Variants in NBAS observed in about 807,000 individuals in gnomAD.
NBAS encodes the protein NBAS subunit of NRZ tethering complex.
NBAS carries 219 observed loss-of-function variants against 302.5 expected under a neutral mutation model. The observed-to-expected ratio is 0.72, with a 90% CI of 0.65 to 0.81. The LOEUF is 0.81. Ranked by LOEUF, NBAS falls within the 30% of genes least tolerant of loss-of-function variation. The pLI, the probability that NBAS is intolerant of heterozygous loss-of-function variation, is 0.00. For missense variants in NBAS, 2,932 were observed against 2,841.6 expected, an observed-to-expected ratio of 1.03 and a Z score of -0.72; for synonymous variants, 1,118 against 1,021.6, an observed-to-expected ratio of 1.09 and a Z score of -1.80.
chr2:15,203,799 G>T (rs1359015946), intron 48 of NBAS, among the ~76,000 whole-genome samples: 2 of 151,548 alleles, frequency 1.3e-5, no homozygotes, highest in African/African-American at 2.4e-5. Flanking sequence ...AGAAAAAAAT[G>T]AACCTAACTA....
At chr2:14,788,407 G>A in the NBAS span, among the ~76,000 whole-genome samples, 4 of 152,134 alleles carry the variant, frequency 2.6e-5, no homozygotes, top group Admixed American at 2.6e-4. Flanking sequence ...CTGCTTTTTA[G>A]AGTTTCCAGT....
the NBAS span, among the ~76,000 whole-genome samples, chr2:14,884,409 A>T: frequency 6.6e-6 from 1 of 152,142 alleles, no homozygotes; most frequent in Non-Finnish European, 1.5e-5. Flanking sequence ...CAGCACACTC[A>T]TGAGAAAACA....
the NBAS span, among the ~76,000 whole-genome samples, chr2:14,906,697 ATG>A: frequency 9.9e-5 from 15 of 152,258 alleles, no homozygotes; most frequent in Non-Finnish European, 1.6e-4. Context: ...ACAAGACCCA[ATG>A]GCCTGGCTCT....
the NBAS span, among the ~76,000 whole-genome samples, chr2:14,832,626 G>A: frequency 6.6e-6 from 1 of 152,176 alleles, no homozygotes; most frequent in African/African-American, 2.4e-5. Flanking sequence ...AAGTGGATAG[G>A]CAGCCTCTGA....
At chr2:14,990,637 A>G in the NBAS span, among the ~76,000 whole-genome samples, 3 of 152,012 alleles carry the variant, frequency 2.0e-5, no homozygotes, top group Non-Finnish European at 4.4e-5. Context: ...ATACTTTTTA[A>G]TTTGTATTTT....
chr2:14,997,160 G>GGGAGAGGAGCA, the NBAS span, among the ~76,000 whole-genome samples: 2 of 152,152 alleles, frequency 1.3e-5, no homozygotes, highest in Non-Finnish European at 2.9e-5. Context: ...TGAGGATGGA[G>GGGAGAGGAGCA]GGAGAGGAGC....
At chr2:15,190,100 A>G (rs1458464304) in intron 49 of NBAS, among the ~76,000 whole-genome samples, 164 bp downstream of exon 49, 1 of 152,186 alleles carries the variant, frequency 6.6e-6, no homozygotes, top group East Asian at 1.9e-4. Context: ...ACGGAAAGAC[A>G]TTGCAATATT....
At position 15,440,066 on chromosome 2, in the gene NBAS, T is replaced by C. The variant is rs538335152; in HGVS notation, c.2340-12272A>G. Among the ~76,000 whole-genome samples, 11 of 152,320 alleles carry C rather than the reference T, an allele frequency of 7.2e-5. No homozygotes were observed. The South Asian group carries it at 1.7e-3, about 23-fold the overall frequency. ...GGCCTGCCTGCCTCTGTAGGCTCCA[T>C]CTCTGGGGGCAGGGCACAGACAAAC... On this transcript the variant is annotated intron_variant, in intron 21 of 51. Transcript: ENST00000281513.
intron 9 of NBAS, among the ~76,000 whole-genome samples, chr2:15,530,494 T>C (rs978683204): frequency 6.6e-6 from 1 of 152,080 alleles, no homozygotes; most frequent in Non-Finnish European, 1.5e-5. Context: ...ATCATATGTA[T>C]CAATAATTTA....
chr2:15,420,634 G>A lies in NBAS; in HGVS notation c.2578-2922C>T, dbSNP rs181789132. ...TTAGAAAGCCACGCTAAGCAGGGGG[G>A]AATGTGGAATCTAGAGCAAGGTAAG... On this transcript the variant is annotated intron_variant, in intron 23 of 51. Transcript: ENST00000281513. Among the ~76,000 whole-genome samples, 103 of 152,292 alleles carry A rather than the reference G, an allele frequency of 6.8e-4. 1 individual carries two copies. The highest frequency in any genetic ancestry group is 3.4e-3 in the Middle Eastern group (1 of 294).
chr2:14,980,286 G>A, the NBAS span, among the ~76,000 whole-genome samples: 21 of 152,200 alleles, frequency 1.4e-4, no homozygotes, highest in South Asian at 1.9e-3. Context: ...CAACTCCCAC[G>A]AGAAATCTTG....
chr2:14,979,103 G>A, the NBAS span, among the ~76,000 whole-genome samples: 1 of 152,176 alleles, frequency 6.6e-6, no homozygotes, highest in Admixed American at 6.5e-5. Context: ...CCACAGGGAT[G>A]TGAAGAAATT....
chr2:14,974,425 A>G, the NBAS span, among the ~76,000 whole-genome samples: 1 of 152,220 alleles, frequency 6.6e-6, no homozygotes, highest in Non-Finnish European at 1.5e-5. Context: ...GGTAAGAGAA[A>G]TATATAGACC....
the NBAS span, among the ~76,000 whole-genome samples, chr2:15,006,065 C>T: frequency 6.6e-6 from 1 of 152,126 alleles, no homozygotes; most frequent in Non-Finnish European, 1.5e-5. Flanking sequence ...TGGTAATGAA[C>T]TTGGTAAAAT....
At chr2:15,144,487 G>C in the NBAS span, among the ~76,000 whole-genome samples, 1 of 152,126 alleles carries the variant, frequency 6.6e-6, no homozygotes, top group African/African-American at 2.4e-5. Context: ...AATGTGTATT[G>C]AGCAACTTCT....
At chr2:14,823,159 C>T in the NBAS span, among the ~76,000 whole-genome samples, 4 of 152,152 alleles carry the variant, frequency 2.6e-5, no homozygotes, top group Non-Finnish European at 4.4e-5. Flanking sequence ...GTGTGTTTTC[C>T]AGTGTGCATT....
chr2:15,330,411 T>G (rs755534964), intron 36 of NBAS, among the ~76,000 whole-genome samples, 187 bp downstream of exon 36: 14 of 152,210 alleles, frequency 9.2e-5, no homozygotes, highest in Non-Finnish European at 1.9e-4. Context: ...TTGCAAGTAC[T>G]CCATGGGAAT....
chr2:15,220,003 C>T (rs1572472093), intron 47 of NBAS, among the ~76,000 whole-genome samples: 2 of 149,768 alleles, frequency 1.3e-5, no homozygotes, highest in East Asian at 2.0e-4. Flanking sequence ...CCTCACCTCC[C>T]GGACGGGGCG....
intron 38 of NBAS, among the ~76,000 whole-genome samples, chr2:15,313,671 A>T (rs1383313084): frequency 2.0e-5 from 3 of 152,240 alleles, no homozygotes; most frequent in Non-Finnish European, 4.4e-5. Flanking sequence ...TGTGGTTTTT[A>T]AATTCTCACT....
Sources: allele counts gnomAD v4.1 joint callset (sites outside exome capture counted in the v4.1 genomes callset), GRCh38; gene constraint gnomAD v4.1.1; transcripts MANE v1.5; gene names NCBI Gene and HGNC (gene_info 2026-07-23, HGNC 2026-07-21).